Variants in DHX29 observed in about 807,000 individuals in gnomAD.
DHX29 encodes DExH-box helicase 29.
A neutral mutation model predicts 167.9 loss-of-function variants in DHX29; 79 were observed. The ratio of observed to expected loss-of-function variants is 0.47; its 90% CI spans 0.39 to 0.57. DHX29 has a LOEUF of 0.57. Ranked by LOEUF, DHX29 falls within the 20% of genes least tolerant of loss-of-function variation. The probability of loss-of-function intolerance (pLI) is 0.00; values close to 1 mark genes in which losing one functional copy is unlikely to be tolerated. For missense variants in DHX29, 1,347 were observed against 1,593.4 expected, an observed-to-expected ratio of 0.85 and a Z score of 2.63; for synonymous variants, 530 against 546.0, an observed-to-expected ratio of 0.97 and a Z score of 0.41.
intron 23 of DHX29, among the ~76,000 whole-genome samples, chr5:55,266,904 T>C (rs74576595): frequency 0.056 from 8,509 of 152,268 alleles, 437 homozygotes; most frequent in Admixed American, 0.12. Flanking sequence ...AATGAGCCAG[T>C]CTTTTTAATT....
intron 7 of DHX29, 105 bp downstream of exon 7, chr5:55,290,111 CTG>C: frequency 7.5e-7 from 1 of 1,332,576 alleles, no homozygotes; most frequent in Non-Finnish European, 1.0e-6. Flanking sequence ...CATGTATAAA[CTG>C]TTAGAAAAGG....
In DHX29 at chr5:55,267,235, GATAA is replaced by G. The variant is rs1561138753; in HGVS notation, c.3432-8_3432-5del. 1 of 1,605,844 alleles carries G rather than the reference GATAA, an allele frequency of 6.2e-7. No homozygotes were observed. The highest frequency in any genetic ancestry group is 1.7e-5 in the Admixed American group (1 of 59,526). Reference sequence around the variant, plus strand: ...TTCTTGTCGTGCTTTCTTCCATCTAGATAAATAAAATGTCAATTAATGAATAAAG... The same window carrying G: ...TTCTTGTCGTGCTTTCTTCCATCTAGATAAAATGTCAATTAATGAATAAAG... On this transcript the variant is annotated splice_polypyrimidine_tract_variant and splice_region_variant and intron_variant, in intron 22 of 26. Transcript: ENST00000251636.
At chr5:55,303,318 A>G (rs1285473923) in intron 1 of DHX29, among the ~76,000 whole-genome samples, 1 of 152,202 alleles carries the variant, frequency 6.6e-6, no homozygotes, top group Non-Finnish European at 1.5e-5. Context: ...AAGGGACCCA[A>G]ACAGGGACTC....
chr5:55,307,473 CCGG>C lies in DHX29; in HGVS notation c.98_100del (p.Ala33del). 4 of 1,613,568 alleles carry C rather than the reference CCGG, an allele frequency of 2.5e-6. No homozygotes were observed. Among genetic ancestry groups the C allele is most frequent in the Non-Finnish European group, 3.4e-6 (4 of 1,179,970 alleles). On this transcript the variant is annotated inframe_deletion, in exon 1 of 27. Transcript: ENST00000251636. ...CACTGGCTTCTTGCTTTGGGCCTCC[CCGG>C]CAATTCCAGCCTCGGCAGATTTGGC... is the stretch of plus-strand genomic sequence containing the variant.
chr5:55,277,239 AAGATAATTAG>A lies in DHX29; in HGVS notation c.2143_2152del (p.Leu715Ter). On this transcript the variant is annotated frameshift_variant, in exon 13 of 27. Coordinates refer to ENST00000251636, the MANE Select transcript of DHX29 (RefSeq NM_019030.4). LOFTEE classifies it high-confidence loss of function. ...AGAACGTTTCTGTAAAATTTCCTTCAAGATAATTAGTAGGAAGTCTGACTGGACACTTCTT... is the reference window on the plus strand; with the variant it reads ...AGAACGTTTCTGTAAAATTTCCTTCATAGGAAGTCTGACTGGACACTTCTT... The A allele has an allele frequency of 1.2e-6, 2 of 1,609,932 alleles. No individual in the cohort carries two copies. The highest frequency in any genetic ancestry group is 1.7e-6 in the Non-Finnish European group (2 of 1,177,330).
At chr5:55,301,057 A>G (rs957942227) in intron 1 of DHX29, among the ~76,000 whole-genome samples, 15 of 152,164 alleles carry the variant, frequency 9.9e-5, no homozygotes, top group Non-Finnish European at 2.2e-4. Context: ...TCATTTTATA[A>G]GGACACTAAT....
At chr5:55,262,960 AT>A (rs1385892613) in intron 23 of DHX29, 28 bp from the exon 24 acceptor site, 1 of 1,517,980 alleles carries the variant, frequency 6.6e-7, no homozygotes, top group South Asian at 1.2e-5. Flanking sequence ...AAAAACACAA[AT>A]AATCAAATTG....
chr5:55,307,269 G>C (rs1748921367), intron 1 of DHX29, 118 bp downstream of exon 1: 1 of 855,436 alleles, frequency 1.2e-6, no homozygotes, highest in Non-Finnish European at 1.8e-6. Context: ...GTAGCAGCTC[G>C]AGTGTTGGGA....
chr5:55,275,087 T>C, intron 14 of DHX29, 77 bp from the exon 15 acceptor site: 4 of 1,495,732 alleles, frequency 2.7e-6, no homozygotes, highest in Non-Finnish European at 3.6e-6. Context: ...AAAAAGGCGG[T>C]ATTTGCATTC....
intron 12 of DHX29, among the ~76,000 whole-genome samples, chr5:55,280,814 C>G (rs748301185): frequency 6.6e-6 from 1 of 152,116 alleles, no homozygotes. Context: ...GATTATCGTT[C>G]CCCTTAACTA....
intron 6 of DHX29, among the ~76,000 whole-genome samples, chr5:55,292,337 C>T (rs1038153451): frequency 6.6e-6 from 1 of 152,082 alleles, no homozygotes; most frequent in Admixed American, 6.6e-5. Context: ...AAGAAATCTT[C>T]CTTAGCCTTT....
In DHX29 at chr5:55,269,600, T is replaced by A. The variant is rs755393835; in HGVS notation, c.3107A>T (p.Lys1036Ile). ...TTGGAGCTGAGGAGGATCTAAGGCT[T>A]TGGAGAGGAAATCTTCAGGAGAACC... Reference protein sequence around the residue: ...NLGSPEDFLSKALDPPQLQVI... With the variant: ...NLGSPEDFLSIALDPPQLQVI... The change falls in exon 21 of 27, where the codon AAA (lysine) becomes ATA (isoleucine). Residue 1036 changes from lysine to isoleucine, a missense_variant. Lys to Ile is a moderately radical substitution (Grantham distance 102). Transcript: ENST00000251636. 1.7e-5 allele frequency: 27 copies of A among 1,613,884 alleles called. No homozygotes were observed. In the East Asian group the frequency reaches 5.8e-4, roughly 35 times the overall value.
At chr5:55,301,713 C>CAAAAAAAAAAA (rs70992777) in intron 1 of DHX29, among the ~76,000 whole-genome samples, 12 of 64,742 alleles carry the variant, frequency 1.9e-4, no homozygotes, top group African/African-American at 5.6e-4. Flanking sequence ...AACTCCATCT[C>CAAAAAAAAAAA]AAAAAAAAAA....
Position 55,307,482 on chromosome 5 carries a change from C to T in DHX29, c.92G>A (p.Gly31Glu), listed in dbSNP as rs1178298174. The change falls in exon 1 of 27, where the codon GGA becomes GAA. Residue 31 changes from glycine to glutamate, a missense_variant. Around this residue, in one of 3 missense-constraint regions of DHX29, gnomAD observed 405 missense variants for 416.8 expected, o/e 0.97. Transcript: ENST00000251636. ...CTTGCTTTGGGCCTCCCCGGCAATTCCAGCCTCGGCAGATTTGGCTCTGGA... is the reference window on the plus strand; with the variant it reads ...CTTGCTTTGGGCCTCCCCGGCAATTTCAGCCTCGGCAGATTTGGCTCTGGA... Reference protein sequence around the residue: ...SASRAKSAEAGIAGEAQSKKP... With the variant: ...SASRAKSAEAEIAGEAQSKKP... The T allele has an allele frequency of 6.2e-7, 1 of 1,613,600 alleles. No individual in the cohort carries two copies. The highest frequency in any genetic ancestry group is 1.1e-5 in the South Asian group (1 of 91,086).
chr5:55,274,129 C>T (rs1370356777), intron 16 of DHX29, among the ~76,000 whole-genome samples: 2 of 151,860 alleles, frequency 1.3e-5, no homozygotes, highest in East Asian at 1.9e-4. Flanking sequence ...GGCAGTGGCT[C>T]ACGCCTGTAA....
intron 11 of DHX29, 101 bp downstream of exon 11, chr5:55,283,099 TAGC>T (rs1747518044): frequency 3.1e-6 from 4 of 1,285,562 alleles, no homozygotes; most frequent in Admixed American, 2.6e-5. Flanking sequence ...GATCAACCAA[TAGC>T]AGTGAAAACT....
Position 55,272,090 on chromosome 5 carries a change from T to A in DHX29, c.2861A>T (p.Asn954Ile), listed in dbSNP as rs762342192. 1.9e-6 allele frequency: 3 copies of A among 1,553,278 alleles called. No individual in the cohort carries two copies. Among genetic ancestry groups the A allele is most frequent in the East Asian group, 2.3e-5 (1 of 43,376 alleles). ...FVIDTGRTKE[N>I]KYHESSQMSS... ...GATTTGGGAAATTTAAACTTACTTATTTTCTTTTGTTCTTCCAGTATCAAT... is the reference window on the plus strand; with the variant it reads ...GATTTGGGAAATTTAAACTTACTTAATTTCTTTTGTTCTTCCAGTATCAAT... Residue 954 changes from asparagine to isoleucine, a missense_variant, in exon 18 of 27, where the codon AAT becomes ATT. By Grantham distance (149) the Asn-to-Ile change is moderately radical. Around this residue, in one of 3 missense-constraint regions of DHX29, gnomAD observed 882 missense variants for 1,082.4 expected, o/e 0.81. Coordinates refer to ENST00000251636, the MANE Select transcript of DHX29 (RefSeq NM_019030.4).
Position 55,285,850 on chromosome 5 carries a change from CTTTCTT to C in DHX29, c.1072_1077del (p.Lys358_Lys359del), listed in dbSNP as rs780849844. ...TCAAAATTTCTTACATCATGAGGTT[CTTTCTT>C]TTTATCTAAAATGGTAAACAAAGAT... is the stretch of plus-strand genomic sequence containing the variant. On this transcript the variant is annotated inframe_deletion, in exon 9 of 27. Transcript: ENST00000251636. The C allele has an allele frequency of 1.9e-6, 3 of 1,556,546 alleles. No homozygotes were observed. In the East Asian group the frequency reaches 6.8e-5, roughly 35 times the overall value.
rs1393089479 is a variant in DHX29 at position 55,269,605 on chromosome 5, G to A, written c.3102C>T (p.Leu1034=). The part of the protein sequence containing the change: ...KCNLGSPEDF[L]SKALDPPQLQ... ...GCTGAGGAGGATCTAAGGCTTTGGA[G>A]AGGAAATCTTCAGGAGAACCAAGAT... The change falls in exon 21 of 27, where the codon CTC becomes CTT. Residue 1034 remains leucine, a synonymous_variant. Transcript: ENST00000251636. 2 of 1,613,984 alleles carry A rather than the reference G, an allele frequency of 1.2e-6. No individual in the cohort carries two copies. Among genetic ancestry groups the A allele is most frequent in the East Asian group, 2.2e-5 (1 of 44,856 alleles).
Sources: gnomAD v4.1 joint callset for allele counts (sites outside exome capture counted in the v4.1 genomes callset) on GRCh38, gnomAD v4.1.1 for gene constraint, gnomAD v4.1.1 regional missense constraint, MANE v1.5 for transcripts, NCBI Gene and HGNC (gene_info 2026-07-23, HGNC 2026-07-21) for gene names.